The following PCCB variants were observed in gnomAD, a reference collection of about 807,000 sequenced individuals.
PCCB encodes the protein propionyl-CoA carboxylase beta chain, mitochondrial.
Under a neutral mutation model 60.7 loss-of-function variants are expected in PCCB, and 43 were observed. That is an observed-to-expected ratio of 0.71 (90% CI 0.55 to 0.91). The LOEUF is 0.91. Among genes scored for constraint, PCCB ranks in the 40% least tolerant of loss-of-function variants. PCCB has a pLI of 0.00. For missense variants in PCCB, 766 were observed against 702.8 expected (o/e 1.09, Z -1.02); for synonymous variants, 276 against 255.9 (o/e 1.08, Z -0.75).
intron 5 of PCCB, among the ~76,000 whole-genome samples, chr3:136,277,501 T>G (rs540757980): frequency 1.5e-4 from 23 of 151,870 alleles, no homozygotes; most frequent in African/African-American, 5.3e-4. Context: ...TCCTTTGTAT[T>G]AAGTAACCAG....
intron 7 of PCCB, among the ~76,000 whole-genome samples, chr3:136,296,164 A>T (rs1045845970): frequency 6.6e-6 from 1 of 152,222 alleles, no homozygotes; most frequent in African/African-American, 2.4e-5. Flanking sequence ...TGGTTTTTAA[A>T]ATACATTCAG....
chr3:136,326,517 G>A (rs1441172251), intron 10 of PCCB: 2 of 652,048 alleles, frequency 3.1e-6, no homozygotes, highest in Non-Finnish European at 5.5e-6. Flanking sequence ...CCCACTGATG[G>A]CTCCCTGCGG....
At chr3:136,263,178 C>T (rs1047752623) in intron 5 of PCCB, among the ~76,000 whole-genome samples, 6 of 151,530 alleles carry the variant, frequency 4.0e-5, no homozygotes, top group African/African-American at 1.2e-4. Context: ...TGGTCTCGAA[C>T]TCCTGACCTT....
chr3:136,251,971 A>G (rs190377945), intron 1 of PCCB, among the ~76,000 whole-genome samples: 67 of 152,032 alleles, frequency 4.4e-4, no homozygotes, highest in Admixed American at 4.1e-3. Context: ...TCTGCCTCCC[A>G]GGTTCAAGCT....
At chr3:136,312,076 G>A (rs1265522866) in intron 9 of PCCB, among the ~76,000 whole-genome samples, 1 of 152,176 alleles carries the variant, frequency 6.6e-6, no homozygotes, top group East Asian at 1.9e-4. Flanking sequence ...TGTGGTACAG[G>A]CACATAAATA....
intron 5 of PCCB, among the ~76,000 whole-genome samples, chr3:136,276,771 G>T (rs1238074686): frequency 6.6e-6 from 1 of 152,250 alleles, no homozygotes; most frequent in Non-Finnish European, 1.5e-5. Flanking sequence ...CTGCCTGATT[G>T]TTGGGGTAGA....
chr3:136,325,651 C>T (rs67452583), intron 10 of PCCB, among the ~76,000 whole-genome samples: 11,512 of 152,048 alleles, frequency 0.076, 461 homozygotes, highest in Non-Finnish European at 0.096. Context: ...GCCACTGTGC[C>T]GGGCCATGTT....
chr3:136,270,394 C>A (rs990546652), intron 5 of PCCB, among the ~76,000 whole-genome samples: 2 of 152,112 alleles, frequency 1.3e-5, no homozygotes, highest in African/African-American at 4.8e-5. Flanking sequence ...GAAGGGTTGC[C>A]TCTGTGAGGT....
At chr3:136,292,766 A>G (rs1333075226) in intron 6 of PCCB, among the ~76,000 whole-genome samples, 1 of 152,154 alleles carries the variant, frequency 6.6e-6, no homozygotes, top group African/African-American at 2.4e-5. Context: ...TAAGAGGGCA[A>G]AGAGGGCAAA....
chr3:136,326,399 G>C lies in PCCB; in HGVS notation c.1091-404G>C, dbSNP rs1321703163. 6 of 702,772 alleles carry C rather than the reference G, an allele frequency of 8.5e-6. No homozygotes were observed. In the Admixed American group the frequency reaches 1.2e-4, roughly 14 times the overall value. 43.5% of individuals were successfully genotyped at this position (702,772 alleles called of 1,614,324 possible). On this transcript the variant is annotated intron_variant, in intron 10 of 14. Transcript: ENST00000251654. ...CCTACTTTGCAGGTAAGGAACCTTA[G>C]GTCAAAAGGCAAAGTAATTTCTCAA... is the stretch of plus-strand genomic sequence containing the variant.
intron 5 of PCCB, among the ~76,000 whole-genome samples, chr3:136,263,411 A>G (rs1250648137): frequency 1.3e-5 from 2 of 151,884 alleles, no homozygotes; most frequent in African/African-American, 4.8e-5. Context: ...CACCACAGGC[A>G]TGCACCACCA....
chr3:136,328,046 A>G (rs1393467408), intron 13 of PCCB, among the ~76,000 whole-genome samples: 1 of 152,142 alleles, frequency 6.6e-6, no homozygotes, highest in Non-Finnish European at 1.5e-5. Flanking sequence ...GGTTGAGTCA[A>G]CTGAAGTCAC....
intron 1 of PCCB, among the ~76,000 whole-genome samples, chr3:136,252,706 G>C (rs1017173450): frequency 3.3e-4 from 40 of 122,222 alleles, no homozygotes; most frequent in African/African-American, 1.3e-3. Flanking sequence ...GTCTCGCTTT[G>C]TTGCCCAGGC....
intron 5 of PCCB, among the ~76,000 whole-genome samples, chr3:136,277,747 C>A (rs1475856761): frequency 6.6e-6 from 1 of 152,190 alleles, no homozygotes; most frequent in Non-Finnish European, 1.5e-5. Flanking sequence ...GTCGGAAAGG[C>A]AGATCTCACT....
At chr3:136,309,609 G>A (rs1392686479) in intron 9 of PCCB, among the ~76,000 whole-genome samples, 3 of 152,022 alleles carry the variant, frequency 2.0e-5, no homozygotes, top group African/African-American at 7.3e-5. Flanking sequence ...AGACCAACCT[G>A]GGCAACATAG....
intron 10 of PCCB, among the ~76,000 whole-genome samples, chr3:136,323,821 A>C (rs1287154467): frequency 6.6e-6 from 1 of 151,802 alleles, no homozygotes; most frequent in South Asian, 2.1e-4. Flanking sequence ...AAAAAAAAAA[A>C]AACCCACTAG....
chr3:136,318,519 C>T (rs917547208), intron 10 of PCCB, among the ~76,000 whole-genome samples: 21 of 152,206 alleles, frequency 1.4e-4, no homozygotes, highest in African/African-American at 5.1e-4. Flanking sequence ...TTTTCATCTC[C>T]TCAGAGACTG....
At chr3:136,282,115 C>T (rs1023218738) in intron 5 of PCCB, among the ~76,000 whole-genome samples, 1 of 152,112 alleles carries the variant, frequency 6.6e-6, no homozygotes, top group East Asian at 1.9e-4. Flanking sequence ...AACCAAGATG[C>T]AAAGGTTCTA....
intron 10 of PCCB, among the ~76,000 whole-genome samples, chr3:136,322,687 ATATT>A (rs1935149937): frequency 6.6e-6 from 1 of 152,196 alleles, no homozygotes; most frequent in African/African-American, 2.4e-5. Flanking sequence ...TTTACTTGAG[ATATT>A]TATTTCCTAA....
Sources: gnomAD v4.1 joint callset for allele counts (sites outside exome capture counted in the v4.1 genomes callset) on GRCh38, gnomAD v4.1.1 for gene constraint, MANE v1.5 for transcripts, NCBI Gene and HGNC (gene_info 2026-07-23, HGNC 2026-07-21) for gene names.